THADA: variants seen among roughly 807,000 people sequenced by gnomAD.
THADA encodes the protein THADA armadillo repeat containing.
In THADA, 213 loss-of-function variants were observed where a neutral mutation model predicts 219.8. The ratio of observed to expected loss-of-function variants is 0.97; its 90% CI spans 0.87 to 1.09. The LOEUF (loss-of-function observed/expected upper bound fraction) is 1.09, where lower values mean the gene tolerates loss of function less well. Among genes scored for constraint, THADA ranks in the 50% least tolerant of loss-of-function variants. The probability of loss-of-function intolerance (pLI) is 0.00; values close to 1 mark genes in which losing one functional copy is unlikely to be tolerated. For synonymous variants in THADA, 1,018 were observed against 828.9 expected (o/e 1.23, Z -3.92); for missense variants, 2,956 against 2,311.3 (o/e 1.28, Z -5.72).
intron 29 of THADA, among the ~76,000 whole-genome samples, chr2:43,392,507 T>C (rs1318078588): frequency 6.6e-6 from 1 of 152,128 alleles, no homozygotes; most frequent in African/African-American, 2.4e-5. Context: ...TTCATACAAC[T>C]AGCTGGCCGA....
chr2:43,386,232 TTAA>T (rs1480723001), intron 29 of THADA, among the ~76,000 whole-genome samples: 3 of 152,092 alleles, frequency 2.0e-5, no homozygotes, highest in African/African-American at 7.2e-5. Flanking sequence ...CATACCTCAA[TTAA>T]TAATCCCATT....
chr2:43,586,223 C>T (rs1328891780), intron 7 of THADA, among the ~76,000 whole-genome samples, 178 bp downstream of exon 7: 1 of 152,116 alleles, frequency 6.6e-6, no homozygotes, highest in Admixed American at 6.5e-5. Context: ...TATGATCACA[C>T]CACTGCACTA....
At chr2:43,594,206 A>G (rs1449670207) in intron 1 of THADA, among the ~76,000 whole-genome samples, 1 of 152,018 alleles carries the variant, frequency 6.6e-6, no homozygotes, top group African/African-American at 2.4e-5. Flanking sequence ...CAATCTCTTT[A>G]AAAAAAACTC....
At chr2:43,559,211 G>C (rs1207567618) in intron 16 of THADA, among the ~76,000 whole-genome samples, 1 of 152,152 alleles carries the variant, frequency 6.6e-6, no homozygotes, top group East Asian at 1.9e-4. Context: ...CTGAGCACCA[G>C]GGAACTTTCT....
chr2:43,516,459 G>T (rs2130949), intron 22 of THADA, among the ~76,000 whole-genome samples: 1 of 152,060 alleles, frequency 6.6e-6, no homozygotes, highest in African/African-American at 2.4e-5. Context: ...AAGCCTCTCA[G>T]GACTTTTTCA....
chr2:43,368,138 G>C (rs985215496), intron 29 of THADA, among the ~76,000 whole-genome samples: 9 of 152,098 alleles, frequency 5.9e-5, no homozygotes, highest in South Asian at 2.1e-4. Flanking sequence ...AACAAACAAA[G>C]AAACAAACAA....
At chr2:43,303,943 G>A (rs1676552967) in intron 31 of THADA, among the ~76,000 whole-genome samples, 1 of 152,184 alleles carries the variant, frequency 6.6e-6, no homozygotes, top group Non-Finnish European at 1.5e-5. Flanking sequence ...TAATGCTGAT[G>A]CTGCTGGGGC....
chr2:43,559,008 G>A (rs1194832028), intron 16 of THADA, among the ~76,000 whole-genome samples: 1 of 152,028 alleles, frequency 6.6e-6, no homozygotes, highest in Non-Finnish European at 1.5e-5. Context: ...GTGATGTAAG[G>A]GCCAGGTCTT....
Position 43,592,335 on chromosome 2 carries a change from C to T in THADA, c.58G>A (p.Asp20Asn), listed in dbSNP as rs746612310. 34 of 1,607,344 alleles carry T rather than the reference C, an allele frequency of 2.1e-5. No individual in the cohort carries two copies. Among genetic ancestry groups the T allele is most frequent in the Middle Eastern group, 1.6e-4 (1 of 6,078 alleles). Residue 20 changes from aspartate to asparagine, a missense_variant, in exon 2 of 38, where the codon GAC becomes AAC. Transcript: ENST00000405975. ...QVAALTICHQ[D>N]LETLKSFADV... ...CACCTACATTTCAAAGTTTCAAGGT[C>T]CTGATGGCAAATGGTCAGCGCAGCA...
chr2:43,569,556 T>C (rs1470700683), intron 14 of THADA, among the ~76,000 whole-genome samples: 1 of 152,174 alleles, frequency 6.6e-6, no homozygotes, highest in Non-Finnish European at 1.5e-5. Flanking sequence ...TCGAAGCTAA[T>C]TTTACCCTTT....
chr2:43,579,939 C>T (rs1248407453), intron 8 of THADA, among the ~76,000 whole-genome samples: 2 of 151,570 alleles, frequency 1.3e-5, no homozygotes, highest in Non-Finnish European at 2.9e-5. Context: ...TGCAGCTAAA[C>T]ACTTTACTGA....
chr2:43,399,076 A>C (rs1414357916), intron 28 of THADA, among the ~76,000 whole-genome samples: 1 of 152,230 alleles, frequency 6.6e-6, no homozygotes, highest in Admixed American at 6.5e-5. Flanking sequence ...CATTTTGCTG[A>C]AACTGTGCAC....
chr2:43,560,099 A>T, intron 16 of THADA, 135 bp downstream of exon 16: 2 of 675,536 alleles, frequency 3.0e-6, no homozygotes, highest in Non-Finnish European at 4.7e-6. Flanking sequence ...GAGAGGTGTT[A>T]ATGATAACTG....
chr2:43,424,582 A>G (rs1360585139), intron 28 of THADA, among the ~76,000 whole-genome samples: 1 of 152,200 alleles, frequency 6.6e-6, no homozygotes, highest in Admixed American at 6.5e-5. Flanking sequence ...TCAGCCTTCC[A>G]CTTTCTTCAT....
chr2:43,366,411 G>A (rs373169595), intron 29 of THADA, among the ~76,000 whole-genome samples: 48 of 152,264 alleles, frequency 3.2e-4, no homozygotes, highest in African/African-American at 1.1e-3. Context: ...CACAGATAAA[G>A]AGGTCAGAGT....
intron 21 of THADA, among the ~76,000 whole-genome samples, chr2:43,529,019 G>A (rs1450805628): frequency 6.6e-6 from 1 of 152,078 alleles, no homozygotes; most frequent in African/African-American, 2.4e-5. Flanking sequence ...AAGATGTGGT[G>A]CAAAGGACCT....
At chr2:43,304,245 A>G (rs572001983) in intron 31 of THADA, among the ~76,000 whole-genome samples, 6 of 152,268 alleles carry the variant, frequency 3.9e-5, no homozygotes, top group Non-Finnish European at 7.4e-5. Context: ...CAGAGTGACA[A>G]CATTTTCTCG....
intron 15 of THADA, among the ~76,000 whole-genome samples, chr2:43,561,483 G>A (rs532824205): frequency 3.9e-5 from 6 of 152,232 alleles, no homozygotes; most frequent in Admixed American, 2.0e-4. Context: ...AAGAACTGTG[G>A]AAAAACAGGT....
intron 21 of THADA, among the ~76,000 whole-genome samples, chr2:43,538,793 C>G (rs1694937433): frequency 6.6e-6 from 1 of 152,136 alleles, no homozygotes; most frequent in Admixed American, 6.6e-5. Context: ...TATGATCCTT[C>G]CAGCTCTAAT....
Sources: gnomAD v4.1 joint callset for allele counts (sites outside exome capture counted in the v4.1 genomes callset) on GRCh38, gnomAD v4.1.1 for gene constraint, MANE v1.5 for transcripts, NCBI Gene and HGNC (gene_info 2026-07-23, HGNC 2026-07-21) for gene names.